Variants in PIK3R1 observed in about 807,000 individuals in gnomAD.
PIK3R1 encodes phosphatidylinositol 3-kinase regulatory subunit alpha.
PIK3R1 carries 29 observed loss-of-function variants against 98.0 expected under a neutral mutation model. The ratio of observed to expected loss-of-function variants is 0.30; its 90% confidence interval spans 0.22 to 0.40. The LOEUF is 0.40. Ranked by LOEUF, PIK3R1 falls within the 10% of genes least tolerant of loss-of-function variation. The probability of loss-of-function intolerance (pLI) is 1.00; values close to 1 mark genes in which losing one functional copy is unlikely to be tolerated. For missense variants in PIK3R1, 596 were observed against 872.7 expected (o/e 0.68, Z 3.99); for synonymous variants, 282 against 311.8 (o/e 0.90, Z 1.01).
At chr5:68,288,891 C>G (rs1747227260) in intron 7 of PIK3R1, 2 of 841,884 alleles carry the variant, frequency 2.4e-6, no homozygotes, top group Admixed American at 1.9e-5. Flanking sequence ...AGGGGAGACA[C>G]TCCCCCTGTC....
At chr5:68,225,901 C>T (rs1044592914) in intron 1 of PIK3R1, among the ~76,000 whole-genome samples, 1 of 152,210 alleles carries the variant, frequency 6.6e-6, no homozygotes, top group Non-Finnish European at 1.5e-5. Flanking sequence ...CTGTAACTAG[C>T]GTCCGACCAC....
intron 2 of PIK3R1, among the ~76,000 whole-genome samples, chr5:68,250,092 G>A (rs1004620499): frequency 6.6e-6 from 1 of 152,186 alleles, no homozygotes; most frequent in East Asian, 1.9e-4. Flanking sequence ...TGGGTGAGCG[G>A]CACACCTTGG....
At chr5:68,223,559 G>C (rs1744171802) in intron 1 of PIK3R1, among the ~76,000 whole-genome samples, 2 of 152,112 alleles carry the variant, frequency 1.3e-5, no homozygotes, top group Admixed American at 6.5e-5. Context: ...TAGAAGATTT[G>C]TGGTTCTTTT....
intron 7 of PIK3R1, among the ~76,000 whole-genome samples, chr5:68,288,906 A>G (rs1417149744): frequency 6.6e-6 from 1 of 152,044 alleles, no homozygotes; most frequent in Non-Finnish European, 1.5e-5. Context: ...CCTGTCCTCG[A>G]GGGGGACAGT....
rs781253751 is a variant in PIK3R1 at position 68,298,000 on chromosome 5, G to A, written c.*399G>A. The A allele has an allele frequency of 1.4e-4, 33 of 236,646 alleles. No homozygotes were observed. Among genetic ancestry groups the A allele is most frequent in the Non-Finnish European group, 2.2e-4 (27 of 120,442 alleles). The allele number at this position is 236,646 out of a possible 1,614,324, so 14.7% of individuals were successfully genotyped here. Reference sequence around the variant, plus strand: ...GGGACTCTGGAGAGCGGAGGAGAGAGAGGCAGAAGAACCCTGGCCTGAGAA... The same window carrying A: ...GGGACTCTGGAGAGCGGAGGAGAGAAAGGCAGAAGAACCCTGGCCTGAGAA... On this transcript the variant is annotated 3_prime_UTR_variant, in exon 16 of 16. Coordinates refer to ENST00000521381, the MANE Select transcript of PIK3R1 (RefSeq NM_181523.3).
rs369898357 is a variant in PIK3R1 at position 68,225,646 on chromosome 5, G to A, written c.-386-644G>A. On this transcript the variant is annotated intron_variant, in intron 1 of 15. Transcript: ENST00000521381. ...CAGACCTCTGCAACACACCTTTCTC[G>A]CACACTGTGGTTAGATTGATATTCC... 6.6e-5 allele frequency among the ~76,000 whole-genome samples: 10 copies of A among 152,156 alleles called. 1 individual carries two copies. The highest frequency in any genetic ancestry group is 1.3e-4 in the Admixed American group (2 of 15,288).
At chr5:68,249,217 T>TA (rs1445559931) in intron 2 of PIK3R1, among the ~76,000 whole-genome samples, 2 of 152,256 alleles carry the variant, frequency 1.3e-5, no homozygotes, top group African/African-American at 4.8e-5. Flanking sequence ...GCTTACTCAT[T>TA]ATTTAAAATT....
At chr5:68,286,641 T>G (rs1747088824) in intron 7 of PIK3R1, among the ~76,000 whole-genome samples, 1 of 152,256 alleles carries the variant, frequency 6.6e-6, no homozygotes, top group Non-Finnish European at 1.5e-5. Flanking sequence ...TTGTACATAT[T>G]GTGAGAAATT....
chr5:68,301,365 T>TAC lies in PIK3R1; in HGVS notation c.*3765_*3766insCA, dbSNP rs1748038202. 1 of 30,022 alleles carries TAC rather than the reference T, an allele frequency of 3.3e-5. No individual in the cohort carries two copies. The allele number at this position is 30,022 out of a possible 1,614,324, so 1.9% of individuals were successfully genotyped here. ...TGCTATATATATATATATATATATA[T>TAC]ATGTGTGTGTGTGTGTGTGTGTGTG... On this transcript the variant is annotated 3_prime_UTR_variant, in exon 16 of 16. Coordinates refer to ENST00000521381, the MANE Select transcript of PIK3R1 (RefSeq NM_181523.3).
At chr5:68,260,192 AC>A (rs1310128260) in intron 2 of PIK3R1, among the ~76,000 whole-genome samples, 2 of 152,290 alleles carry the variant, frequency 1.3e-5, no homozygotes, top group East Asian at 3.9e-4. Flanking sequence ...CAGAAATACC[AC>A]ATTTTTGAGA....
rs1747930968 is a variant in PIK3R1 at position 68,299,659 on chromosome 5, G to A, written c.*2058G>A. The A allele has an allele frequency of 4.3e-6, 1 of 233,044 alleles. No homozygotes were observed. Among genetic ancestry groups the A allele is most frequent in the African/African-American group, 2.2e-5 (1 of 45,308 alleles). The allele number at this position is 233,044 out of a possible 1,614,324, so 14.4% of individuals were successfully genotyped here. On this transcript the variant is annotated 3_prime_UTR_variant, in exon 16 of 16. Coordinates refer to ENST00000521381, the MANE Select transcript of PIK3R1 (RefSeq NM_181523.3). The stretch of plus-strand genomic sequence containing the variant: ...TTTCTCCATATTAGATTTACCCACA[G>A]CTATATTTCTGTTTAAGTACTAGGG...
intron 2 of PIK3R1, among the ~76,000 whole-genome samples, chr5:68,250,537 C>T (rs1561270862): frequency 6.6e-6 from 1 of 152,138 alleles, no homozygotes; most frequent in Non-Finnish European, 1.5e-5. Context: ...TTTATATTAC[C>T]CTTTATGTCA....
intron 1 of PIK3R1, among the ~76,000 whole-genome samples, chr5:68,220,387 G>A (rs962492520): frequency 6.6e-6 from 1 of 152,170 alleles, no homozygotes; most frequent in Non-Finnish European, 1.5e-5. Context: ...CAGAGAACCG[G>A]AATGGTCAGC....
rs1357124987 is a variant in PIK3R1, at chr5:68,293,004, G to C, written c.1020-97G>C. 8.2e-6 allele frequency: 8 copies of C among 978,024 alleles called. No homozygotes were observed. The East Asian group carries it at 2.1e-4, about 25-fold the overall frequency. 60.6% of individuals were successfully genotyped at this position (978,024 alleles called of 1,614,324 possible). A position where few individuals can be genotyped will look rare whatever the true frequency, so the allele number is the denominator to read the frequency against. ...TGTACTTTCCACTTGATTTTGCTGT[G>C]AACCTAAAACTGCTCTAAAAAATAG... On this transcript the variant is annotated intron_variant, in intron 8 of 15. Coordinates refer to ENST00000521381, the MANE Select transcript of PIK3R1 (RefSeq NM_181523.3).
intron 2 of PIK3R1, among the ~76,000 whole-genome samples, chr5:68,230,634 G>A (rs928614189): frequency 7.2e-5 from 11 of 152,208 alleles, no homozygotes; most frequent in Non-Finnish European, 1.3e-4. Context: ...GGGACAGGTA[G>A]TTCTGCTGGT....
chr5:68,269,858 GA>G (rs1746273259), intron 2 of PIK3R1, among the ~76,000 whole-genome samples: 1 of 148,830 alleles, frequency 6.7e-6, no homozygotes, highest in Admixed American at 6.7e-5. Flanking sequence ...TTGTACTAAG[GA>G]ATAGAAAATC....
chr5:68,294,070 C>T (rs1747554046), intron 11 of PIK3R1, among the ~76,000 whole-genome samples: 1 of 152,138 alleles, frequency 6.6e-6, no homozygotes, highest in Admixed American at 6.5e-5. Flanking sequence ...CACTGAGTTT[C>T]AAGTTGATTT....
chr5:68,255,697 G>T (rs1745487554), intron 2 of PIK3R1, among the ~76,000 whole-genome samples: 2 of 152,166 alleles, frequency 1.3e-5, no homozygotes. Flanking sequence ...GAAACATACG[G>T]CTATCAATGT....
chr5:68,231,154 CAG>C (rs1357235557), intron 2 of PIK3R1, among the ~76,000 whole-genome samples: 1 of 152,192 alleles, frequency 6.6e-6, no homozygotes, highest in Non-Finnish European at 1.5e-5. Flanking sequence ...TTTCTCAAGA[CAG>C]TGGTTTTAAC....
Sources: gnomAD v4.1 joint callset for allele counts (sites outside exome capture counted in the v4.1 genomes callset) on GRCh38, gnomAD v4.1.1 for gene constraint, MANE v1.5 for transcripts, NCBI Gene and HGNC (gene_info 2026-07-23, HGNC 2026-07-21) for gene names.